ASH1L: variants seen among roughly 807,000 people sequenced by gnomAD.
ASH1L encodes the protein histone-lysine N-methyltransferase ASH1L.
ASH1L carries 23 observed loss-of-function variants against 269.0 expected under a neutral mutation model. The observed-to-expected ratio is 0.09, with a 90% confidence interval of 0.06 to 0.12. The LOEUF (loss-of-function observed/expected upper bound fraction) is 0.12. ASH1L is among the 10% of genes least tolerant of loss of function. ASH1L has a pLI of 1.00. For synonymous variants in ASH1L, 1,187 were observed against 1,253.5 expected (o/e 0.95, Z 1.12); for missense variants, 2,912 against 3,567.8 (o/e 0.82, Z 4.68).
intron 2 of ASH1L, among the ~76,000 whole-genome samples, chr1:155,519,443 T>C (rs1228651408): frequency 6.6e-6 from 1 of 151,414 alleles, no homozygotes; most frequent in Non-Finnish European, 1.5e-5. Context: ...ACTCAAAAAA[T>C]AAATAAATAA....
intron 6 of ASH1L, among the ~76,000 whole-genome samples, chr1:155,411,580 TAA>T (rs1491168416): frequency 2.3e-3 from 80 of 34,420 alleles, no homozygotes; most frequent in African/African-American, 6.8e-3. Flanking sequence ...TATAAATAAA[TAA>T]ATAAATATAT....
intron 1 of ASH1L, among the ~76,000 whole-genome samples, chr1:155,528,947 C>T (rs1186920015): frequency 6.6e-6 from 1 of 152,030 alleles, no homozygotes; most frequent in African/African-American, 2.4e-5. Context: ...TGAGAACATA[C>T]AGTATTTGAT....
intron 14 of ASH1L, 65 bp from the exon 15 acceptor site, chr1:155,357,475 T>G: frequency 6.3e-7 from 1 of 1,592,952 alleles, no homozygotes; most frequent in Non-Finnish European, 8.6e-7. Context: ...TCTCCAAGAA[T>G]ATTAAAACCA....
Position 155,341,960 on chromosome 1 carries a change from C to T in ASH1L, c.8436G>A (p.Lys2812=), listed in dbSNP as rs751390981. The change falls in exon 25 of 28, where the codon AAG becomes AAA. Residue 2812 remains lysine (K), a synonymous_variant. Coordinates refer to ENST00000392403, the MANE Select transcript of ASH1L (RefSeq NM_018489.3). ...KPYAFDHFPK[K]LTPKKDFSPH... is the part of the protein sequence containing the mutation. ...CCGAGAAATCTTTTTTGGGAGTGAG[C>T]TTCTTGGGGAAGTGATCAAAAGCAT... The T allele has an allele frequency of 9.3e-6, 15 of 1,613,584 alleles. No individual in the cohort carries two copies. Among genetic ancestry groups the T allele is most frequent in the Admixed American group, 1.7e-5 (1 of 59,970 alleles).
intron 6 of ASH1L, among the ~76,000 whole-genome samples, chr1:155,403,891 T>TA (rs760922886): frequency 2.8e-3 from 386 of 138,078 alleles, no homozygotes; most frequent in Middle Eastern, 3.7e-3. Flanking sequence ...TTCCTACCAT[T>TA]AAAAAAAAAA....
chr1:155,486,230 A>C (rs1666320423), intron 2 of ASH1L, among the ~76,000 whole-genome samples: 1 of 152,168 alleles, frequency 6.6e-6, no homozygotes, highest in African/African-American at 2.4e-5. Context: ...TACATGTGGT[A>C]CTTGATTGAC....
At position 155,481,018 on chromosome 1, in the gene ASH1L, C is replaced by T. The variant is rs1218824264; in HGVS notation, c.1852G>A (p.Val618Ile). The T allele has an allele frequency of 6.2e-7, 1 of 1,614,026 alleles. No individual in the cohort carries two copies. Among genetic ancestry groups the T allele is most frequent in the East Asian group, 2.2e-5 (1 of 44,872 alleles). The change falls in exon 3 of 28, where the codon GTT (valine) becomes ATT (isoleucine). Residue 618 changes from valine (V) to isoleucine (I), a missense_variant. By Grantham distance (29) the Val-to-Ile change is conservative. Around this residue, in one of 13 missense-constraint regions of ASH1L, gnomAD observed 715 missense variants for 721.0 expected, o/e 0.99. Coordinates refer to ENST00000392403, the MANE Select transcript of ASH1L (RefSeq NM_018489.3). ...STHLNVGHRS[V>I]GHSISIECKG... ...CATTCAATACTTATACTATGACCAA[C>T]TGACCTATGACCAACGTTCAAGTGG...
At chr1:155,350,325 A>C (rs1444867286) in intron 17 of ASH1L, among the ~76,000 whole-genome samples, 1 of 152,160 alleles carries the variant, frequency 6.6e-6, no homozygotes, top group Non-Finnish European at 1.5e-5. Context: ...CCTGGCCAAA[A>C]ATCCAAGTCT....
At chr1:155,464,556 T>A (rs1664536278) in intron 3 of ASH1L, among the ~76,000 whole-genome samples, 1 of 149,812 alleles carries the variant, frequency 6.7e-6, no homozygotes. Context: ...GATTTCAGAA[T>A]AAATATAAGT....
In ASH1L at chr1:155,347,798, C is replaced by T; in HGVS notation, c.7661G>A (p.Gly2554Glu). 1 of 1,614,220 alleles carries T rather than the reference C, an allele frequency of 6.2e-7. No individual in the cohort carries two copies. The highest frequency in any genetic ancestry group is 1.1e-5 in the South Asian group (1 of 91,084). ...GCTGTCTGCCTCACTTGCTGTCTCTCCCACAATCTCATCAATCTGGGCTGA... is the reference window on the plus strand; with the variant it reads ...GCTGTCTGCCTCACTTGCTGTCTCTTCCACAATCTCATCAATCTGGGCTGA... ...EASAQIDEIV[G>E]ETASEADSSE... The change falls in exon 20 of 28, where the codon GGA becomes GAA. Residue 2554 changes from glycine to glutamate, a missense_variant. Around this residue, in one of 13 missense-constraint regions of ASH1L, gnomAD observed 309 missense variants for 435.1 expected, o/e 0.71. Transcript: ENST00000392403.
intron 3 of ASH1L, among the ~76,000 whole-genome samples, chr1:155,471,300 T>C (rs930516355): frequency 2.0e-5 from 3 of 152,236 alleles, no homozygotes; most frequent in Non-Finnish European, 2.9e-5. Flanking sequence ...GTGACAGGAA[T>C]GTCTCTGTTA....
intron 10 of ASH1L, among the ~76,000 whole-genome samples, chr1:155,377,115 C>A (rs1656524417): frequency 6.6e-6 from 1 of 151,762 alleles, no homozygotes; most frequent in Non-Finnish European, 1.5e-5. Flanking sequence ...CCATGTTGGT[C>A]AGGCTGGTCT....
At chr1:155,380,929 C>T (rs974548854) in intron 7 of ASH1L, among the ~76,000 whole-genome samples, 12 of 151,684 alleles carry the variant, frequency 7.9e-5, no homozygotes, top group East Asian at 1.9e-4. Flanking sequence ...CATGAGCCAC[C>T]GCACCTGGCC....
intron 5 of ASH1L, among the ~76,000 whole-genome samples, chr1:155,416,339 C>T (rs1660204187): frequency 6.6e-6 from 1 of 151,930 alleles, no homozygotes; most frequent in African/African-American, 2.4e-5. Flanking sequence ...GGCTGGTCTT[C>T]AACTCTTGAC....
chr1:155,553,890 AG>A lies in ASH1L; in HGVS notation c.-100+8262del, dbSNP rs796790873. Among the ~76,000 whole-genome samples the A allele has an allele frequency of 3.3e-5, 5 of 150,472 alleles. No individual in the cohort carries two copies. The East Asian group carries it at 5.9e-4, about 18-fold the overall frequency. ...CGGCTCACCGCAACCTCTACCACCC[AG>A]GTTCAAGCAATTCTACTGCCACAGC... On this transcript the variant is annotated intron_variant, in intron 1 of 27. Transcript: ENST00000392403.
chr1:155,339,202 C>A, intron 26 of ASH1L, 126 bp downstream of exon 26: 1 of 808,934 alleles, frequency 1.2e-6, no homozygotes, highest in Non-Finnish European at 2.1e-6. Flanking sequence ...TGGCACTACA[C>A]TGGGCTACTC....
chr1:155,388,712 A>ATTTTTTTTTT (rs1657644594), intron 7 of ASH1L, among the ~76,000 whole-genome samples: 1 of 88,554 alleles, frequency 1.1e-5, no homozygotes, highest in African/African-American at 4.2e-5. Context: ...CTGAATTGCG[A>ATTTTTTTTTT]TTCTTTTTTT....
intron 4 of ASH1L, among the ~76,000 whole-genome samples, chr1:155,458,090 G>C (rs1299182752): frequency 1.3e-5 from 2 of 152,110 alleles, no homozygotes; most frequent in Non-Finnish European, 2.9e-5. Flanking sequence ...CCTTACCCTG[G>C]TCTAGGTAAA....
chr1:155,466,629 T>C (rs1465380232), intron 3 of ASH1L, among the ~76,000 whole-genome samples: 11 of 152,362 alleles, frequency 7.2e-5, no homozygotes, highest in Admixed American at 4.6e-4. Flanking sequence ...TTTTGTTACA[T>C]GTATAGAATG....
Sources: gnomAD v4.1 joint callset for allele counts (sites outside exome capture counted in the v4.1 genomes callset) on GRCh38, gnomAD v4.1.1 for gene constraint, gnomAD v4.1.1 regional missense constraint, MANE v1.5 for transcripts, NCBI Gene and HGNC (gene_info 2026-07-23, HGNC 2026-07-21) for gene names.